NCK1: variants seen among roughly 807,000 people sequenced by gnomAD.
NCK1 encodes the protein SH2/SH3 adapter protein NCK1.
NCK1 carries 19 observed loss-of-function variants against 36.6 expected under a neutral mutation model. The ratio of observed to expected loss-of-function variants is 0.52; its 90% CI spans 0.36 to 0.76. The LOEUF is 0.76. Among genes scored for constraint, NCK1 ranks in the 30% least tolerant of loss-of-function variants. The probability of loss-of-function intolerance (pLI) is 0.00; values close to 1 mark genes in which losing one functional copy is unlikely to be tolerated. For missense variants in NCK1, 358 were observed against 445.6 expected, an observed-to-expected ratio of 0.80 and a Z score of 1.77; for synonymous variants, 165 against 156.0, an observed-to-expected ratio of 1.06 and a Z score of -0.43.
intron 1 of NCK1, among the ~76,000 whole-genome samples, chr3:136,882,149 T>G (rs548491151): frequency 6.6e-6 from 1 of 152,038 alleles, no homozygotes; most frequent in East Asian, 1.9e-4. Flanking sequence ...CAACCGTGCA[T>G]AAGAGTTCCA....
Position 136,862,354 on chromosome 3 carries a change from G to A in NCK1, c.-19+1G>A, listed in dbSNP as rs1007327725. On this transcript the variant is annotated splice_donor_variant, in intron 1 of 3. Coordinates refer to ENST00000481752, the MANE Select transcript of NCK1 (RefSeq NM_001291999.2). LOFTEE classifies it low-confidence loss of function (5UTR_SPLICE). ...AGCTGCCCGGCTCGGCAGCGGGAAG[G>A]TGAGACGGCCTTGTTGGCAGGCAGA... is the stretch of plus-strand genomic sequence containing the variant. 2.0e-5 allele frequency: 3 copies of A among 152,744 alleles called. No individual in the cohort carries two copies. Among genetic ancestry groups the A allele is most frequent in the Non-Finnish European group, 4.4e-5 (3 of 68,350 alleles). 9.5% of individuals were successfully genotyped at this position (152,744 alleles called of 1,614,324 possible). A position where few individuals can be genotyped will look rare whatever the true frequency, so the allele number is the denominator to read the frequency against.
intron 1 of NCK1, among the ~76,000 whole-genome samples, chr3:136,910,588 C>CT (rs1939808043): frequency 6.6e-6 from 1 of 152,166 alleles, no homozygotes. Context: ...GTCTAGCATC[C>CT]TTTCCTTTCA....
At chr3:136,914,729 A>T (rs2117009) in intron 1 of NCK1, among the ~76,000 whole-genome samples, 95,320 of 152,052 alleles carry the variant, frequency 0.63, 30,192 homozygotes, top group East Asian at 0.87. Flanking sequence ...GCCAGAAGAT[A>T]TTGGGACTTG....
At chr3:136,941,811 G>A (rs1043704495) in intron 2 of NCK1, among the ~76,000 whole-genome samples, 3 of 151,928 alleles carry the variant, frequency 2.0e-5, no homozygotes, top group East Asian at 3.9e-4. Flanking sequence ...TTACTGTCCA[G>A]TGTTTTTTCA....
rs1191495933 is a variant in NCK1 at position 136,948,169 on chromosome 3, T to G, written c.940-90T>G. 13 of 996,454 alleles carry G rather than the reference T, an allele frequency of 1.3e-5. No individual in the cohort carries two copies. In the East Asian group the frequency reaches 3.0e-4, roughly 23 times the overall value. 61.7% of individuals were successfully genotyped at this position (996,454 alleles called of 1,614,324 possible). A position where few individuals can be genotyped will look rare whatever the true frequency, so the allele number is the denominator to read the frequency against. On this transcript the variant is annotated intron_variant, in intron 3 of 3. Transcript: ENST00000481752. ...ACCATGGTGCCTAGGACTTAGTAAG[T>G]GCTTAGATTTTAGCTTTTAGTTTAA...
At chr3:136,875,723 T>G (rs1167292724) in intron 1 of NCK1, among the ~76,000 whole-genome samples, 12 of 149,220 alleles carry the variant, frequency 8.0e-5, no homozygotes, top group Non-Finnish European at 1.5e-4. Context: ...AACACCCCAC[T>G]GTCAACATTA....
intron 1 of NCK1, among the ~76,000 whole-genome samples, chr3:136,867,094 TTC>T (rs1938449788): frequency 5.6e-5 from 1 of 17,854 alleles, no homozygotes; most frequent in Non-Finnish European, 1.1e-4. Context: ...CTTTCTTTCT[TTC>T]TTTCTTTCTT....
At chr3:136,889,951 G>A (rs554926847) in intron 1 of NCK1, among the ~76,000 whole-genome samples, 9 of 152,302 alleles carry the variant, frequency 5.9e-5, no homozygotes, top group South Asian at 2.1e-4. Context: ...AGTGGATCCC[G>A]CACAGGGGTT....
chr3:136,904,834 A>AT (rs55815126), intron 1 of NCK1, among the ~76,000 whole-genome samples: 81,646 of 142,654 alleles, frequency 0.57, 23,067 homozygotes, highest in East Asian at 0.85. Flanking sequence ...GGCTTTTCTC[A>AT]TTTTTTTTTT....
At chr3:136,932,704 A>G (rs945605120) in intron 2 of NCK1, among the ~76,000 whole-genome samples, 3 of 152,236 alleles carry the variant, frequency 2.0e-5, no homozygotes, top group Admixed American at 6.5e-5. Flanking sequence ...ATGATCCTGG[A>G]AAGTCCCTTC....
At position 136,862,261 on chromosome 3, in the gene NCK1, G is replaced by A. The variant is rs1164314060; in HGVS notation, c.-111G>A. On this transcript the variant is annotated 5_prime_UTR_variant, in exon 1 of 4. Transcript: ENST00000481752. The stretch of plus-strand genomic sequence containing the variant: ...AGCTACGCGGCGGCGGCGGAGCGCA[G>A]GCCTCGTGCCGTTACGGCCATCACG... 1.3e-5 allele frequency: 2 copies of A among 152,656 alleles called. No individual in the cohort carries two copies. Among genetic ancestry groups the A allele is most frequent in the African/African-American group, 4.8e-5 (2 of 41,452 alleles). The allele number at this position is 152,656 out of a possible 1,614,324, so 9.5% of individuals were successfully genotyped here. A position where few individuals can be genotyped will look rare whatever the true frequency, so the allele number is the denominator to read the frequency against.
At chr3:136,891,382 G>A (rs566438992) in intron 1 of NCK1, among the ~76,000 whole-genome samples, 3 of 152,284 alleles carry the variant, frequency 2.0e-5, no homozygotes, top group Admixed American at 6.5e-5. Flanking sequence ...TGATCTACCC[G>A]CCTCAGCCTC....
intron 1 of NCK1, among the ~76,000 whole-genome samples, chr3:136,887,077 C>T (rs1939093551): frequency 6.6e-6 from 1 of 152,146 alleles, no homozygotes; most frequent in Non-Finnish European, 1.5e-5. Flanking sequence ...CTCCTGACCT[C>T]AGGTGATCCA....
intron 2 of NCK1, among the ~76,000 whole-genome samples, chr3:136,934,386 A>G (rs1162189532): frequency 6.6e-6 from 1 of 151,834 alleles, no homozygotes; most frequent in Non-Finnish European, 1.5e-5. Flanking sequence ...TCCAGGTTCA[A>G]GTGATTCTCC....
At chr3:136,903,863 T>C (rs1939611437) in intron 1 of NCK1, among the ~76,000 whole-genome samples, 1 of 152,226 alleles carries the variant, frequency 6.6e-6, no homozygotes, top group African/African-American at 2.4e-5. Context: ...CTGTCTCTTA[T>C]TAATTATTAT....
intron 1 of NCK1, among the ~76,000 whole-genome samples, chr3:136,913,465 A>G (rs980032868): frequency 4.0e-5 from 6 of 151,884 alleles, no homozygotes; most frequent in African/African-American, 7.3e-5. Context: ...ACAGGGTCTC[A>G]TTATGTTGCC....
chr3:136,869,957 A>C (rs1938559012), intron 1 of NCK1, among the ~76,000 whole-genome samples: 1 of 152,096 alleles, frequency 6.6e-6, no homozygotes, highest in Non-Finnish European at 1.5e-5. Flanking sequence ...GCTTTTGTTC[A>C]AACAGCCAGT....
At chr3:136,937,273 A>T (rs1940555892) in intron 2 of NCK1, among the ~76,000 whole-genome samples, 3 of 152,216 alleles carry the variant, frequency 2.0e-5, no homozygotes, top group African/African-American at 7.2e-5. Flanking sequence ...AATTGACCAT[A>T]GATCCATGGG....
At chr3:136,870,028 GTT>G (rs749807329) in intron 1 of NCK1, among the ~76,000 whole-genome samples, 2 of 96,810 alleles carry the variant, frequency 2.1e-5, no homozygotes, top group Non-Finnish European at 1.9e-5. Flanking sequence ...TTTCTCAAAA[GTT>G]TTTTTTTTTT....
Sources: allele counts gnomAD v4.1 joint callset (sites outside exome capture counted in the v4.1 genomes callset), GRCh38; gene constraint gnomAD v4.1.1; transcripts MANE v1.5; gene names NCBI Gene and HGNC (gene_info 2026-07-23, HGNC 2026-07-21).